The following TGFBRAP1 variants were observed in gnomAD, a reference collection of about 807,000 sequenced individuals.
The protein encoded by TGFBRAP1 is transforming growth factor beta receptor associated protein 1, also known as transforming growth factor-beta receptor-associated protein 1.
TGFBRAP1 carries 20 observed loss-of-function variants against 83.2 expected under a neutral mutation model. The ratio of observed to expected loss-of-function variants is 0.24; its 90% CI spans 0.17 to 0.35. The LOEUF is 0.35. Ranked by LOEUF, TGFBRAP1 falls within the 10% of genes least tolerant of loss-of-function variation. TGFBRAP1 has a pLI of 1.00. For missense variants in TGFBRAP1, 950 were observed against 1,099.4 expected (o/e 0.86, Z 1.92); for synonymous variants, 415 against 459.8 (o/e 0.90, Z 1.25).
chr2:105,276,000 T>G (rs190167993), intron 7 of TGFBRAP1, among the ~76,000 whole-genome samples: 1 of 152,140 alleles, frequency 6.6e-6, no homozygotes, highest in African/African-American at 2.4e-5. Flanking sequence ...GGTGAATATA[T>G]TAAAAATGTT....
chr2:105,322,989 T>C (rs1157564013), intron 1 of TGFBRAP1, among the ~76,000 whole-genome samples: 3 of 152,072 alleles, frequency 2.0e-5, no homozygotes, highest in Non-Finnish European at 2.9e-5. Flanking sequence ...GCTGGTGCCA[T>C]ATAATTAGGA....
intron 1 of TGFBRAP1, among the ~76,000 whole-genome samples, chr2:105,322,976 G>A (rs1470565505): frequency 6.6e-6 from 1 of 152,176 alleles, no homozygotes; most frequent in East Asian, 1.9e-4. Flanking sequence ...AACCAGTCAG[G>A]ATGCTGGTGC....
At chr2:105,250,052 C>T in the TGFBRAP1 span, among the ~76,000 whole-genome samples, 1 of 152,200 alleles carries the variant, frequency 6.6e-6, no homozygotes, top group African/African-American at 2.4e-5. Flanking sequence ...CTTGCCCCTT[C>T]ATCTGGGAGG....
chr2:105,291,562 G>A (rs1379308191), intron 4 of TGFBRAP1, among the ~76,000 whole-genome samples: 2 of 152,126 alleles, frequency 1.3e-5, no homozygotes, highest in Non-Finnish European at 2.9e-5. Context: ...AAATGTGGTA[G>A]GTACATACAA....
chr2:105,289,378 T>G (rs1467445408), intron 4 of TGFBRAP1, among the ~76,000 whole-genome samples: 1 of 152,202 alleles, frequency 6.6e-6, no homozygotes, highest in Non-Finnish European at 1.5e-5. Context: ...TCCTAAGTAA[T>G]ATATTCAATA....
At chr2:105,318,992 A>C (rs759771351) in intron 1 of TGFBRAP1, among the ~76,000 whole-genome samples, 2 of 152,120 alleles carry the variant, frequency 1.3e-5, no homozygotes, top group Non-Finnish European at 2.9e-5. Flanking sequence ...CTCTATACTA[A>C]AACTCACCAA....
chr2:105,267,558 A>T lies in TGFBRAP1; in HGVS notation c.2408T>A (p.Met803Lys), dbSNP rs1196786338. 6.2e-7 allele frequency: 1 copy of T among 1,614,214 alleles called. No homozygotes were observed. Among genetic ancestry groups the T allele is most frequent in the Admixed American group, 1.7e-5 (1 of 60,034 alleles). ...SENLIYTYDK[M>K]KLKGSSIQLS... ...TTGGATTGAGCTTCCTTTCAACTTC[A>T]TCTGCAAGAAGAAACCAAGACTGAG... Residue 803 changes from methionine to lysine, a missense_variant and splice_region_variant, in exon 12 of 12, where the codon ATG (methionine) becomes AAG (lysine). Physicochemically the swap from Met to Lys is moderately conservative, Grantham distance 95. Transcript: ENST00000393359.
chr2:105,250,611 C>CCTCCTCTCCCT, the TGFBRAP1 span, among the ~76,000 whole-genome samples: 96 of 66,300 alleles, frequency 1.4e-3, 1 homozygote, highest in East Asian at 3.7e-3. Flanking sequence ...TCTCCCTCTC[C>CCTCCTCTCCCT]CTCCTCTCCC....
At chr2:105,270,012 C>T (rs886275817) in intron 10 of TGFBRAP1, among the ~76,000 whole-genome samples, 10 of 152,184 alleles carry the variant, frequency 6.6e-5, no homozygotes, top group Non-Finnish European at 1.3e-4. Context: ...GGCCCAGTGG[C>T]TCAGTGAGTA....
chr2:105,254,442 A>T, the TGFBRAP1 span, among the ~76,000 whole-genome samples: 1 of 152,196 alleles, frequency 6.6e-6, no homozygotes, highest in African/African-American at 2.4e-5. Flanking sequence ...AGAACTTTGC[A>T]GTTTTACAAA....
At chr2:105,311,145 T>TAAAA (rs11389565) in intron 1 of TGFBRAP1, among the ~76,000 whole-genome samples, 1 of 125,442 alleles carries the variant, frequency 8.0e-6, no homozygotes, top group African/African-American at 3.1e-5. Flanking sequence ...GAGAGAGCTG[T>TAAAA]AAAAAAAAAA....
intron 8 of TGFBRAP1, 133 bp downstream of exon 8, chr2:105,275,427 T>A: frequency 3.5e-6 from 5 of 1,409,414 alleles, no homozygotes; most frequent in Non-Finnish European, 4.7e-6. Flanking sequence ...AAAAGGGGAA[T>A]AATAACAACA....
chr2:105,316,462 T>C (rs368851992), intron 1 of TGFBRAP1, among the ~76,000 whole-genome samples: 2,871 of 84,468 alleles, frequency 0.034, 42 homozygotes, highest in African/African-American at 0.045. Context: ...TGTGTGTGTG[T>C]GCGCGCGCGC....
At chr2:105,299,768 A>G (rs935625997) in intron 2 of TGFBRAP1, among the ~76,000 whole-genome samples, 3 of 152,068 alleles carry the variant, frequency 2.0e-5, no homozygotes, top group African/African-American at 7.2e-5. Flanking sequence ...GGAGTCAGTA[A>G]CAAAGGCATC....
At chr2:105,285,627 G>A (rs1321634117) in intron 4 of TGFBRAP1, among the ~76,000 whole-genome samples, 2 of 152,098 alleles carry the variant, frequency 1.3e-5, no homozygotes, top group Non-Finnish European at 2.9e-5. Context: ...TATCAACCCT[G>A]TTCTCTCAAA....
chr2:105,275,828 T>C, intron 7 of TGFBRAP1, 125 bp from the exon 8 acceptor site: 1 of 972,488 alleles, frequency 1.0e-6, no homozygotes, highest in South Asian at 3.2e-5. Context: ...CCTTTTAAAG[T>C]AGTTGGAAAA....
intron 11 of TGFBRAP1, among the ~76,000 whole-genome samples, chr2:105,268,284 A>G (rs1677016333): frequency 6.6e-6 from 1 of 152,222 alleles, no homozygotes; most frequent in African/African-American, 2.4e-5. Context: ...TTAGCCCTAC[A>G]GACACTGAGA....
intron 1 of TGFBRAP1, among the ~76,000 whole-genome samples, chr2:105,316,462 T>TGTGTGC (rs1177329674): frequency 5.8e-3 from 489 of 84,748 alleles, no homozygotes; most frequent in South Asian, 9.8e-3. Flanking sequence ...TGTGTGTGTG[T>TGTGTGC]GCGCGCGCGC....
chr2:105,303,845 T>A (rs1678391633), intron 2 of TGFBRAP1, among the ~76,000 whole-genome samples: 1 of 152,114 alleles, frequency 6.6e-6, no homozygotes, highest in African/African-American at 2.4e-5. Flanking sequence ...AACAATACTA[T>A]GGGAATGAAA....
Sources: allele counts gnomAD v4.1 joint callset (sites outside exome capture counted in the v4.1 genomes callset), GRCh38; gene constraint gnomAD v4.1.1; transcripts MANE v1.5; gene names NCBI Gene and HGNC (gene_info 2026-07-23, HGNC 2026-07-21).